CDH18: variants seen among roughly 807,000 people sequenced by gnomAD.
The protein encoded by CDH18 is cadherin-18.
CDH18 carries 31 observed loss-of-function variants against 67.9 expected under a neutral mutation model. That is an observed-to-expected ratio of 0.46 (90% CI 0.34 to 0.62). The LOEUF (loss-of-function observed/expected upper bound fraction) is 0.62, where lower values mean the gene tolerates loss of function less well. CDH18 is among the 20% of genes least tolerant of loss of function. The probability of loss-of-function intolerance (pLI) is 0.01; values close to 1 mark genes in which losing one functional copy is unlikely to be tolerated. For missense variants in CDH18, 890 were observed against 975.5 expected (o/e 0.91, Z 1.17); for synonymous variants, 362 against 347.2 (o/e 1.04, Z -0.48).
intron 8 of CDH18, among the ~76,000 whole-genome samples, chr5:19,559,773 C>A (rs1167907954): frequency 2.0e-5 from 3 of 151,982 alleles, no homozygotes; most frequent in East Asian, 1.9e-4. Flanking sequence ...AAGACTCATG[C>A]AAAAAGCTCC....
chr5:19,742,829 A>G (rs1226652868), intron 4 of CDH18, among the ~76,000 whole-genome samples: 1 of 152,104 alleles, frequency 6.6e-6, no homozygotes, highest in Non-Finnish European at 1.5e-5. Context: ...TAATGAGTAT[A>G]TGATAAAAAA....
intron 1 of CDH18, among the ~76,000 whole-genome samples, chr5:20,371,403 C>A (rs749756735): frequency 5.3e-5 from 8 of 152,044 alleles, no homozygotes; most frequent in Non-Finnish European, 1.0e-4. Flanking sequence ...ATCGGCAATG[C>A]CTTGACGCAT....
intron 3 of CDH18, among the ~76,000 whole-genome samples, chr5:19,748,572 T>A (rs1009750681): frequency 1.3e-5 from 2 of 152,120 alleles, no homozygotes; most frequent in African/African-American, 4.8e-5. Context: ...TCCTTTATAT[T>A]AAACCTTTTT....
intron 10 of CDH18, among the ~76,000 whole-genome samples, chr5:19,518,413 G>A (rs1746363743): frequency 6.6e-6 from 1 of 152,108 alleles, no homozygotes; most frequent in South Asian, 2.1e-4. Flanking sequence ...AGGATGCAAA[G>A]CATTGTTCCT....
At chr5:20,063,671 G>T (rs1283616323) in intron 2 of CDH18, among the ~76,000 whole-genome samples, 1 of 152,112 alleles carries the variant, frequency 6.6e-6, no homozygotes, top group Non-Finnish European at 1.5e-5. Flanking sequence ...AAATCATATT[G>T]GTTAATCTGA....
At chr5:19,695,435 T>C (rs1258648140) in intron 5 of CDH18, among the ~76,000 whole-genome samples, 1 of 152,190 alleles carries the variant, frequency 6.6e-6, no homozygotes, top group Non-Finnish European at 1.5e-5. Flanking sequence ...AAATGAATGA[T>C]TAGTAATCTG....
intron 2 of CDH18, among the ~76,000 whole-genome samples, chr5:20,220,667 A>T (rs1354502668): frequency 6.6e-6 from 1 of 152,010 alleles, no homozygotes; most frequent in Non-Finnish European, 1.5e-5. Context: ...CAAGGGCAAA[A>T]ACCAGCCAAG....
rs148332616 is a variant in CDH18, at chr5:19,938,892, G to A, written c.-257+42168C>T. On this transcript the variant is annotated intron_variant, in intron 2 of 12. Transcript: ENST00000382275. ...AATTCTAATTTAAACTTTAAAATAAGTTTATAGACAAAGAAATGTTCCAAA... is the reference window on the plus strand; with the variant it reads ...AATTCTAATTTAAACTTTAAAATAAATTTATAGACAAAGAAATGTTCCAAA... 2.1e-3 allele frequency among the ~76,000 whole-genome samples: 312 copies of A among 151,090 alleles called. 2 individuals carry two copies. The highest frequency in any genetic ancestry group is 7.1e-3 in the African/African-American group (292 of 41,404).
chr5:19,888,977 G>A (rs915781131), intron 2 of CDH18, among the ~76,000 whole-genome samples: 1 of 152,040 alleles, frequency 6.6e-6, no homozygotes, highest in Non-Finnish European at 1.5e-5. Flanking sequence ...CATAATCTGT[G>A]CATGCTCAAC....
In CDH18 at chr5:20,037,383, C is replaced by A. The variant is rs148504274; in HGVS notation, c.-517-45369G>T. Among the ~76,000 whole-genome samples the A allele has an allele frequency of 0.018, 2,762 of 152,074 alleles. 177 individuals carry two copies. The East Asian group carries it at 0.25, about 14-fold the overall frequency. ...TAATAGACATCTACAGAACTCTCCA[C>A]CCCAAATCAACAGAATATACATTCT... On this transcript the variant is annotated intron_variant, in intron 2 of 14. Coordinates refer to the CDH18 transcript ENST00000507958.
chr5:20,304,970 C>G, intron 1 of CDH18: 1 of 1,613,882 alleles, frequency 6.2e-7, no homozygotes, highest in South Asian at 1.1e-5. Context: ...TTCAAGGCGG[C>G]CAACTGCTTG....
At chr5:19,874,670 G>A (rs191740634) in intron 2 of CDH18, among the ~76,000 whole-genome samples, 1 of 152,302 alleles carries the variant, frequency 6.6e-6, no homozygotes, top group African/African-American at 2.4e-5. Context: ...TAAAGAGAGA[G>A]AAATTGAATT....
intron 6 of CDH18, among the ~76,000 whole-genome samples, chr5:19,600,273 A>C (rs905121200): frequency 6.8e-4 from 103 of 151,906 alleles, no homozygotes; most frequent in African/African-American, 2.4e-3. Context: ...GGGTGCAGCA[A>C]ACCAACATGC....
At chr5:19,942,270 T>A (rs1794903569) in intron 2 of CDH18, among the ~76,000 whole-genome samples, 1 of 152,142 alleles carries the variant, frequency 6.6e-6, no homozygotes, top group Non-Finnish European at 1.5e-5. Flanking sequence ...CACATATGAT[T>A]TTCCTTCAAT....
chr5:20,507,644 A>G (rs1243540434), intron 1 of CDH18, among the ~76,000 whole-genome samples: 2 of 152,190 alleles, frequency 1.3e-5, no homozygotes, highest in African/African-American at 4.8e-5. Flanking sequence ...AAAGACAGCT[A>G]TTAGCATAAA....
chr5:19,647,172 C>A (rs1754875213), intron 5 of CDH18, among the ~76,000 whole-genome samples: 1 of 151,872 alleles, frequency 6.6e-6, no homozygotes. Flanking sequence ...AACGTAAGGG[C>A]AAGAAATGCA....
At chr5:19,831,552 A>G (rs1460127632) in intron 3 of CDH18, among the ~76,000 whole-genome samples, 6 of 152,122 alleles carry the variant, frequency 3.9e-5, no homozygotes, top group Admixed American at 2.6e-4. Flanking sequence ...CCACAATAAG[A>G]CACCATCTCA....
At chr5:19,775,671 T>C (rs1048023455) in intron 3 of CDH18, among the ~76,000 whole-genome samples, 8 of 152,146 alleles carry the variant, frequency 5.3e-5, no homozygotes, top group East Asian at 1.9e-4. Flanking sequence ...ACTTCCATCA[T>C]TGAGGATTAC....
At chr5:19,763,837 C>A (rs1772690978) in intron 3 of CDH18, among the ~76,000 whole-genome samples, 1 of 151,486 alleles carries the variant, frequency 6.6e-6, no homozygotes, top group East Asian at 1.9e-4. Context: ...ATATTAGTGT[C>A]CTGGAACGAA....
Sources: gnomAD v4.1 joint callset for allele counts (sites outside exome capture counted in the v4.1 genomes callset) on GRCh38, gnomAD v4.1.1 for gene constraint, MANE v1.5 for transcripts, NCBI Gene and HGNC (gene_info 2026-07-23, HGNC 2026-07-21) for gene names.